Variants in SNX29 observed in about 807,000 individuals in gnomAD.
SNX29 encodes the protein sorting nexin-29.
A neutral mutation model predicts 102.1 loss-of-function variants in SNX29; 78 were observed. The observed-to-expected ratio is 0.76, with a 90% confidence interval of 0.64 to 0.92. The LOEUF (loss-of-function observed/expected upper bound fraction) is 0.92. Among genes scored for constraint, SNX29 ranks in the 40% least tolerant of loss-of-function variants. The pLI is 0.00. For synonymous variants in SNX29, 580 were observed against 414.5 expected, an observed-to-expected ratio of 1.40 and a Z score of -4.85; for missense variants, 1,280 against 1,061.7, an observed-to-expected ratio of 1.21 and a Z score of -2.86.
At chr16:12,489,761 C>T (rs976930625) in intron 19 of SNX29, among the ~76,000 whole-genome samples, 2 of 152,192 alleles carry the variant, frequency 1.3e-5, no homozygotes, top group African/African-American at 2.4e-5. Context: ...TTCATTCTCT[C>T]TTCTTCCTCC....
At position 12,534,151 on chromosome 16, in the gene SNX29, C is replaced by T. The variant is rs76566637; in HGVS notation, c.2318+9310C>T. ...ACAGCTCCAACACCAGGCCTCAGGG[C>T]AGCGCGGCCTCTGCGGTTCTGACTG... On this transcript the variant is annotated intron_variant, in intron 20 of 20. Transcript: ENST00000566228. Among the ~76,000 whole-genome samples the T allele has an allele frequency of 7.3e-3, 1,119 of 152,350 alleles. 46 individuals carry two copies. The East Asian group carries it at 0.11, about 14-fold the overall frequency.
chr16:12,565,089 CGTCT>C (rs1567215601), intron 20 of SNX29, among the ~76,000 whole-genome samples: 6 of 152,034 alleles, frequency 3.9e-5, no homozygotes, highest in Non-Finnish European at 8.8e-5. Flanking sequence ...CACATGGGGT[CGTCT>C]TCTCTTCTGA....
intron 13 of SNX29, among the ~76,000 whole-genome samples, chr16:12,144,702 A>G (rs1273972385): frequency 6.6e-6 from 1 of 152,238 alleles, no homozygotes; most frequent in African/African-American, 2.4e-5. Flanking sequence ...AGCACAAAAC[A>G]GACTGAGACG....
At chr16:12,238,273 T>A (rs2077997106) in intron 14 of SNX29, among the ~76,000 whole-genome samples, 1 of 150,510 alleles carries the variant, frequency 6.6e-6, no homozygotes, top group Admixed American at 6.6e-5. Flanking sequence ...CCTTGGCCTC[T>A]CCATTCCATG....
At chr16:12,053,547 A>G (rs11863772) in intron 8 of SNX29, among the ~76,000 whole-genome samples, 60,880 of 151,934 alleles carry the variant, frequency 0.4, 12,789 homozygotes, top group Middle Eastern at 0.51. Flanking sequence ...AATAAAAAGT[A>G]TAAAATGAAT....
rs574090459 is a variant in SNX29, at chr16:12,483,114, GTTTTTTTTTTTTTTTTT to G, written c.2178+5268_2178+5284del. On this transcript the variant is annotated intron_variant, in intron 19 of 20. Transcript: ENST00000566228. ...AATAGATACATATTGAAGTTATTAA[GTTTTTTTTTTTTTTTTT>G]TTTTTTTTTTTTGGAGACAGCACCT... 3.9e-4 allele frequency among the ~76,000 whole-genome samples: 26 copies of G among 66,196 alleles called. 1 individual carries two copies. Among genetic ancestry groups the G allele is most frequent in the Non-Finnish European group, 5.3e-4 (19 of 35,984 alleles). The allele number at this position is 66,196 out of a possible 152,430, so 43.4% of individuals were successfully genotyped here.
intron 16 of SNX29, among the ~76,000 whole-genome samples, chr16:12,365,283 C>G (rs1355472753): frequency 2.0e-5 from 3 of 151,956 alleles, no homozygotes; most frequent in Admixed American, 1.3e-4. Flanking sequence ...CGAAGTGAAT[C>G]TCTCCCTTTC....
chr16:12,540,360 T>G (rs1197391968), intron 20 of SNX29, among the ~76,000 whole-genome samples: 1 of 152,172 alleles, frequency 6.6e-6, no homozygotes, highest in Non-Finnish European at 1.5e-5. Context: ...TCCCCTGTAT[T>G]AATTTCTTAT....
chr16:12,031,979 C>T (rs556187338), intron 4 of SNX29, among the ~76,000 whole-genome samples: 2 of 152,248 alleles, frequency 1.3e-5, no homozygotes, highest in East Asian at 3.9e-4. Context: ...TTTTTACAAA[C>T]CAAAACTGTG....
intron 18 of SNX29, among the ~76,000 whole-genome samples, chr16:12,436,480 T>G (rs182218936): frequency 1.3e-5 from 2 of 152,242 alleles, no homozygotes; most frequent in African/African-American, 4.8e-5. Context: ...CAGATGCCAT[T>G]TCAGGAAATC....
intron 20 of SNX29, among the ~76,000 whole-genome samples, chr16:12,563,032 G>C (rs1401807523): frequency 6.6e-5 from 10 of 152,124 alleles, no homozygotes; most frequent in Non-Finnish European, 7.3e-5. Context: ...TTACATCATT[G>C]CAAGGGCCAA....
At chr16:12,002,917 T>C (rs1025399186) in intron 2 of SNX29, 74 bp from the exon 3 acceptor site, 4 of 1,570,968 alleles carry the variant, frequency 2.5e-6, no homozygotes, top group Non-Finnish European at 3.5e-6. Flanking sequence ...CCTTAAGCCC[T>C]GTGTAGGCTG....
At chr16:12,568,472 C>T (rs771766755) in intron 20 of SNX29, 34 bp from the exon 21 acceptor site, 47 of 1,606,138 alleles carry the variant, frequency 2.9e-5, no homozygotes, top group South Asian at 1.8e-4. Context: ...TTTTCATCCC[C>T]AGACTTAACC....
chr16:12,349,283 C>G (rs1197815286), intron 15 of SNX29, among the ~76,000 whole-genome samples: 1 of 152,210 alleles, frequency 6.6e-6, no homozygotes, highest in African/African-American at 2.4e-5. Context: ...ACTGTCACTC[C>G]CTGGACCCAC....
chr16:12,441,791 T>C (rs2085818699), intron 18 of SNX29, among the ~76,000 whole-genome samples: 1 of 152,170 alleles, frequency 6.6e-6, no homozygotes, highest in Non-Finnish European at 1.5e-5. Flanking sequence ...TTTTGACTTT[T>C]GTTTTGTTTT....
At chr16:12,543,198 T>C (rs1247843652) in intron 20 of SNX29, among the ~76,000 whole-genome samples, 1 of 152,216 alleles carries the variant, frequency 6.6e-6, no homozygotes, top group African/African-American at 2.4e-5. Flanking sequence ...AAAAATCATA[T>C]TCATCACGTT....
intron 19 of SNX29, among the ~76,000 whole-genome samples, chr16:12,516,798 G>C (rs1012963327): frequency 9.9e-5 from 15 of 152,174 alleles, no homozygotes; most frequent in South Asian, 4.1e-4. Context: ...ACTGGGGAGC[G>C]GGACATGCGT....
At chr16:12,263,713 G>T (rs1203867988) in intron 14 of SNX29, among the ~76,000 whole-genome samples, 1 of 152,172 alleles carries the variant, frequency 6.6e-6, no homozygotes, top group East Asian at 1.9e-4. Flanking sequence ...TTGTTAGTTG[G>T]ATGGCATCCC....
At chr16:12,263,708 AG>A (rs1050264876) in intron 14 of SNX29, among the ~76,000 whole-genome samples, 6 of 152,250 alleles carry the variant, frequency 3.9e-5, no homozygotes, top group African/African-American at 1.4e-4. Flanking sequence ...GTACCTTGTT[AG>A]TTGGATGGCA....
Sources: gnomAD v4.1 joint callset for allele counts (sites outside exome capture counted in the v4.1 genomes callset) on GRCh38, gnomAD v4.1.1 for gene constraint, MANE v1.5 for transcripts, NCBI Gene and HGNC (gene_info 2026-07-23, HGNC 2026-07-21) for gene names.